Variants in NEK10 observed in about 807,000 individuals in gnomAD.
NEK10 encodes NIMA related kinase 10.
Under a neutral mutation model 159.8 loss-of-function variants are expected in NEK10, and 122 were observed. The ratio of observed to expected loss-of-function variants is 0.76; its 90% CI spans 0.66 to 0.89. The LOEUF (loss-of-function observed/expected upper bound fraction) is 0.89, where lower values mean the gene tolerates loss of function less well. NEK10 is among the 40% of genes least tolerant of loss of function. NEK10 has a pLI of 0.00. For missense variants in NEK10, 1,342 were observed against 1,323.1 expected (o/e 1.01, Z -0.22); for synonymous variants, 466 against 457.1 (o/e 1.02, Z -0.25).
intron 30 of NEK10, among the ~76,000 whole-genome samples, chr3:27,160,986 A>T (rs994514581): frequency 6.6e-6 from 1 of 152,218 alleles, no homozygotes; most frequent in African/African-American, 2.4e-5. Flanking sequence ...GAATTAGATG[A>T]TATAGCAAAC....
chr3:27,131,554 A>G (rs949981524), intron 32 of NEK10, among the ~76,000 whole-genome samples: 1 of 152,170 alleles, frequency 6.6e-6, no homozygotes, highest in African/African-American at 2.4e-5. Context: ...TCAATTTTGG[A>G]GCTTATTGAA....
At chr3:27,291,646 C>T (rs1342395736) in intron 16 of NEK10, 60 bp from the exon 17 acceptor site, 3 of 987,886 alleles carry the variant, frequency 3.0e-6, no homozygotes, top group African/African-American at 3.2e-5. Context: ...CATTACTTCC[C>T]TTTTTTATTT....
chr3:27,248,429 G>A (rs1050442722), intron 23 of NEK10, among the ~76,000 whole-genome samples: 1 of 151,848 alleles, frequency 6.6e-6, no homozygotes, highest in African/African-American at 2.4e-5. Flanking sequence ...GGCTTCTCTA[G>A]TTCTCTCAGA....
At chr3:27,227,861 G>A (rs999381705) in intron 23 of NEK10, among the ~76,000 whole-genome samples, 1 of 152,206 alleles carries the variant, frequency 6.6e-6, no homozygotes, top group Non-Finnish European at 1.5e-5. Context: ...ATAGCCCTTG[G>A]CCACTCTTGA....
intron 6 of NEK10, among the ~76,000 whole-genome samples, chr3:27,319,596 A>G (rs1043911684): frequency 6.6e-6 from 1 of 152,208 alleles, no homozygotes; most frequent in African/African-American, 2.4e-5. Flanking sequence ...CTTTCAAGAA[A>G]TATAGTATGA....
chr3:27,198,454 G>T (rs1949749264), intron 25 of NEK10, among the ~76,000 whole-genome samples: 1 of 151,972 alleles, frequency 6.6e-6, no homozygotes, highest in Non-Finnish European at 1.5e-5. Context: ...CAATGGAACA[G>T]AAAAGAGAAC....
At position 27,256,171 on chromosome 3, in the gene NEK10, T is replaced by C. The variant is rs532041085; in HGVS notation, c.2090+125A>G. 3.9e-5 allele frequency: 18 copies of C among 462,716 alleles called. No individual in the cohort carries two copies. The East Asian group carries it at 5.9e-4, about 15-fold the overall frequency. 28.7% of individuals were successfully genotyped at this position (462,716 alleles called of 1,614,324 possible). A position where few individuals can be genotyped will look rare whatever the true frequency, so the allele number is the denominator to read the frequency against. ...CTAGTAATGTGTATTACCTAGATAA[T>C]TGAAAAAACTTATAAAATAAGCTTT... is the stretch of plus-strand genomic sequence containing the variant. On this transcript the variant is annotated intron_variant, in intron 23 of 35. Transcript: ENST00000691995.
At chr3:27,269,298 A>G (rs546474529) in intron 22 of NEK10, among the ~76,000 whole-genome samples, 158 of 152,342 alleles carry the variant, frequency 1.0e-3, no homozygotes, top group African/African-American at 3.4e-3. Context: ...TACTGTGGGT[A>G]AAATGCTATC....
intron 13 of NEK10, among the ~76,000 whole-genome samples, chr3:27,301,328 T>C (rs1042166280): frequency 6.6e-5 from 10 of 152,150 alleles, no homozygotes; most frequent in Non-Finnish European, 1.2e-4. Flanking sequence ...GCACTGTAGA[T>C]TCCCCCTTAT....
intron 5 of NEK10, among the ~76,000 whole-genome samples, chr3:27,330,725 G>A (rs1193118534): frequency 1.3e-5 from 2 of 152,112 alleles, no homozygotes; most frequent in Non-Finnish European, 2.9e-5. Context: ...ATAAAGAGGT[G>A]GAGACGGAGT....
At chr3:27,277,743 T>C (rs548287195) in intron 22 of NEK10, among the ~76,000 whole-genome samples, 2 of 152,298 alleles carry the variant, frequency 1.3e-5, no homozygotes, top group South Asian at 4.1e-4. Context: ...AACTATTCAC[T>C]CATATTCTCT....
intron 23 of NEK10, among the ~76,000 whole-genome samples, chr3:27,231,062 TTCTTC>T (rs1294308573): frequency 2.0e-5 from 3 of 152,020 alleles, no homozygotes; most frequent in Non-Finnish European, 4.4e-5. Flanking sequence ...AGAATATACA[TTCTTC>T]TCTTCAGTAC....
intron 30 of NEK10, among the ~76,000 whole-genome samples, chr3:27,160,031 A>G (rs1478217559): frequency 6.6e-6 from 1 of 151,980 alleles, no homozygotes; most frequent in Non-Finnish European, 1.5e-5. Context: ...GGTTATGCAT[A>G]AGTTCCAACA....
At chr3:27,252,209 G>A (rs1955741345) in intron 23 of NEK10, 1 of 505,476 alleles carries the variant, frequency 2.0e-6, no homozygotes, top group African/African-American at 1.9e-5. Context: ...TACAACATAA[G>A]GTCAGGTAGA....
intron 23 of NEK10, among the ~76,000 whole-genome samples, chr3:27,215,255 C>G (rs2149118564): frequency 6.6e-6 from 1 of 152,254 alleles, no homozygotes; most frequent in South Asian, 2.1e-4. Flanking sequence ...TTATTTAGTT[C>G]CAGATTTATT....
At chr3:27,163,938 G>A (rs150978746) in intron 29 of NEK10, among the ~76,000 whole-genome samples, 77 of 152,146 alleles carry the variant, frequency 5.1e-4, no homozygotes, top group African/African-American at 1.8e-3. Flanking sequence ...AACAAAATTG[G>A]CACTCATTTA....
Position 27,352,494 on chromosome 3 carries a change from G to T in NEK10, c.103C>A (p.Leu35Ile). Residue 35 changes from leucine (L) to isoleucine (I), a missense_variant, in exon 3 of 36, where the codon CTT becomes ATT. Coordinates refer to ENST00000691995, the MANE Select transcript of NEK10 (RefSeq NM_001394966.1). ...DYSDLKRLRC[L>I]LNVQSSKQQL... Reference sequence around the variant, plus strand: ...TGTTTGCTTGATTGGACGTTCAAAAGGCACCGAAGTCTTTTAAGATCTGAA... The same window carrying T: ...TGTTTGCTTGATTGGACGTTCAAAATGCACCGAAGTCTTTTAAGATCTGAA... 6.2e-7 allele frequency: 1 copy of T among 1,611,708 alleles called. No individual in the cohort carries two copies.
intron 28 of NEK10, among the ~76,000 whole-genome samples, chr3:27,172,760 T>G (rs954357181): frequency 3.9e-5 from 6 of 152,082 alleles, no homozygotes; most frequent in Non-Finnish European, 7.4e-5. Flanking sequence ...ATATTATATA[T>G]CAGAAAAAAT....
chr3:27,126,486 C>T (rs1041999781), intron 32 of NEK10, among the ~76,000 whole-genome samples: 3 of 152,088 alleles, frequency 2.0e-5, no homozygotes, highest in Non-Finnish European at 2.9e-5. Context: ...AAGTCTCAAG[C>T]CTGTTGGATA....
Sources: allele counts gnomAD v4.1 joint callset (sites outside exome capture counted in the v4.1 genomes callset), GRCh38; gene constraint gnomAD v4.1.1; transcripts MANE v1.5; gene names NCBI Gene and HGNC (gene_info 2026-07-23, HGNC 2026-07-21).